HTR7: variants seen among roughly 807,000 people sequenced by gnomAD.
HTR7 encodes the protein 5-HT-7.
Under a neutral mutation model 34.0 loss-of-function variants are expected in HTR7, and 16 were observed. That is an observed-to-expected ratio of 0.47 (90% CI 0.32 to 0.71). The LOEUF is 0.71. HTR7 is among the 30% of genes least tolerant of loss of function. HTR7 has a pLI of 0.04. For missense variants in HTR7, 504 were observed against 625.5 expected (o/e 0.81, Z 2.07); for synonymous variants, 265 against 260.2 (o/e 1.02, Z -0.18).
chr10:90,749,712 C>T lies in HTR7; in HGVS notation c.540-118G>A. 1.2e-6 allele frequency: 1 copy of T among 856,588 alleles called. No individual in the cohort carries two copies. The highest frequency in any genetic ancestry group is 1.7e-5 in the South Asian group (1 of 58,388). The allele number at this position is 856,588 out of a possible 1,614,324, so 53.1% of individuals were successfully genotyped here. The stretch of plus-strand genomic sequence containing the variant: ...CGCAACAGCCCTTCTAGGTAGGCAT[C>T]ATTACTCCCATTTTGCAGAAAGGTA... On this transcript the variant is annotated intron_variant, in intron 1 of 3. Transcript: ENST00000336152. The surrounding 1 kb of genome is among the most constrained non-coding windows in gnomAD (Gnocchi z 4.2).
intron 1 of HTR7, among the ~76,000 whole-genome samples, chr10:90,761,769 G>A (rs934921058): frequency 1.3e-5 from 2 of 151,980 alleles, no homozygotes; most frequent in East Asian, 3.9e-4. Flanking sequence ...ACAACTAAAA[G>A]TTTGGACCAA....
intron 1 of HTR7, among the ~76,000 whole-genome samples, chr10:90,756,189 G>A (rs1040452356): frequency 6.6e-5 from 10 of 152,174 alleles, no homozygotes; most frequent in South Asian, 2.1e-4. Flanking sequence ...AGTTACCTCC[G>A]GGGAAGAGGA....
intron 1 of HTR7, among the ~76,000 whole-genome samples, chr10:90,778,849 C>T (rs1845263822): frequency 6.6e-6 from 1 of 152,218 alleles, no homozygotes; most frequent in Non-Finnish European, 1.5e-5. Context: ...CTCTTCCCAA[C>T]TCAAGTCTGA....
Position 90,858,022 on chromosome 10 carries a change from G to A in HTR7, c.-351C>T, listed in dbSNP as rs1231557231. 1.3e-5 allele frequency among the ~76,000 whole-genome samples: 2 copies of A among 149,132 alleles called. No homozygotes were observed. Among genetic ancestry groups the A allele is most frequent in the Non-Finnish European group, 1.5e-5 (1 of 66,978 alleles). On this transcript the variant is annotated 5_prime_UTR_variant, in exon 1 of 4. Coordinates refer to ENST00000336152, the MANE Select transcript of HTR7 (RefSeq NM_019859.4). ...CGCCGAGAGCGCCCGGGCGGCAGCG[G>A]CAGAAGTTGCGGAGTGCGCCCCGCC...
chr10:90,802,447 T>C (rs1289744451), intron 1 of HTR7, among the ~76,000 whole-genome samples: 1 of 152,210 alleles, frequency 6.6e-6, no homozygotes, highest in African/African-American at 2.4e-5. Context: ...GCTTCCTCTA[T>C]GCCCTCTCCA....
intron 2 of HTR7, among the ~76,000 whole-genome samples, chr10:90,744,735 G>A (rs1420616037): frequency 4.6e-5 from 7 of 152,086 alleles, no homozygotes; most frequent in African/African-American, 1.7e-4. Context: ...TGGGATGGGA[G>A]GCAAAATTAC....
At chr10:90,781,403 A>G (rs1049040281) in intron 1 of HTR7, among the ~76,000 whole-genome samples, 1 of 152,224 alleles carries the variant, frequency 6.6e-6, no homozygotes, top group Non-Finnish European at 1.5e-5. Flanking sequence ...TTACTTTTAA[A>G]TAACTCTTTC....
Position 90,792,374 on chromosome 10 carries a change from T to C in HTR7, c.540-42780A>G, listed in dbSNP as rs142255567. On this transcript the variant is annotated intron_variant, in intron 1 of 3. Coordinates refer to ENST00000336152, the MANE Select transcript of HTR7 (RefSeq NM_019859.4). Reference sequence around the variant, plus strand: ...GTTTTGTTGGGGTTTTTTTGTTTTGTTTTTGGTTTGGTTTTTTTTGGCTGC... The same window carrying C: ...GTTTTGTTGGGGTTTTTTTGTTTTGCTTTTGGTTTGGTTTTTTTTGGCTGC... 3.7e-3 allele frequency among the ~76,000 whole-genome samples: 566 copies of C among 152,182 alleles called. 5 individuals carry two copies. Among genetic ancestry groups the C allele is most frequent in the African/African-American group, 0.013 (527 of 41,546 alleles).
intron 1 of HTR7, among the ~76,000 whole-genome samples, chr10:90,808,308 G>A (rs1028054489): frequency 8.6e-5 from 13 of 150,642 alleles, no homozygotes; most frequent in East Asian, 3.9e-4. Flanking sequence ...AGCAAGTCCC[G>A]CTTTTCTAGA....
intron 1 of HTR7, among the ~76,000 whole-genome samples, chr10:90,798,454 C>T (rs765433188): frequency 6.6e-6 from 1 of 152,196 alleles, no homozygotes; most frequent in African/African-American, 2.4e-5. Context: ...GCTGGACACA[C>T]TGACTCATGC....
chr10:90,856,966 C>T (rs1276141105), intron 1 of HTR7, among the ~76,000 whole-genome samples, 167 bp downstream of exon 1: 12 of 152,166 alleles, frequency 7.9e-5, no homozygotes, highest in Admixed American at 7.9e-4. Context: ...TATGCCGTAA[C>T]CGAAGTTTGG....
At chr10:90,766,626 C>T (rs1365320209) in intron 1 of HTR7, among the ~76,000 whole-genome samples, 1 of 152,180 alleles carries the variant, frequency 6.6e-6, no homozygotes, top group Admixed American at 6.5e-5. Flanking sequence ...CTCTTGCTGT[C>T]TTCCTTTGTA....
chr10:90,764,444 T>G (rs1327293865), intron 1 of HTR7, among the ~76,000 whole-genome samples: 2 of 152,182 alleles, frequency 1.3e-5, no homozygotes, highest in East Asian at 3.9e-4. Flanking sequence ...TTCAGATAGT[T>G]TGTTATTACT....
In HTR7 at chr10:90,785,082, G is replaced by A. The variant is rs75176825; in HGVS notation, c.540-35488C>T. Among the ~76,000 whole-genome samples, 776 of 152,284 alleles carry A rather than the reference G, an allele frequency of 5.1e-3. 10 individuals carry two copies. The highest frequency in any genetic ancestry group is 8.5e-3 in the Non-Finnish European group (579 of 68,020). On this transcript the variant is annotated intron_variant, in intron 1 of 3. Coordinates refer to ENST00000336152, the MANE Select transcript of HTR7 (RefSeq NM_019859.4). ...TTCTCAGGGAATCACCTCATCATCC[G>A]CTGCAGGAGGCTATAAGTGACCTGC...
chr10:90,787,086 C>T lies in HTR7; in HGVS notation c.540-37492G>A, dbSNP rs540530677. Among the ~76,000 whole-genome samples the T allele has an allele frequency of 2.0e-5, 3 of 152,310 alleles. No individual in the cohort carries two copies. In the East Asian group the frequency reaches 5.8e-4, roughly 29 times the overall value. ...GACCCTTACTTCCACACATCACTCA[C>T]TCAGGTAGATTCACAAAGCCATCCT... On this transcript the variant is annotated intron_variant, in intron 1 of 3. Coordinates refer to ENST00000336152, the MANE Select transcript of HTR7 (RefSeq NM_019859.4).
chr10:90,798,417 T>C (rs1019663523), intron 1 of HTR7, among the ~76,000 whole-genome samples: 3 of 152,088 alleles, frequency 2.0e-5, no homozygotes, highest in African/African-American at 7.2e-5. Flanking sequence ...GGGTCCCAGG[T>C]ATAGGTACTT....
intron 1 of HTR7, among the ~76,000 whole-genome samples, chr10:90,791,472 C>T (rs992704174): frequency 7.2e-5 from 11 of 151,916 alleles, no homozygotes; most frequent in Non-Finnish European, 1.5e-4. Flanking sequence ...GTGTAAAAGA[C>T]CACAGAAAGA....
At chr10:90,769,029 C>T (rs1184856851) in intron 1 of HTR7, among the ~76,000 whole-genome samples, 3 of 152,210 alleles carry the variant, frequency 2.0e-5, no homozygotes, top group Admixed American at 1.3e-4. Context: ...CTACAGCCCA[C>T]AGCACTACGT....
chr10:90,793,662 G>A (rs1404735303), intron 1 of HTR7, among the ~76,000 whole-genome samples: 7 of 152,108 alleles, frequency 4.6e-5, no homozygotes, highest in African/African-American at 1.7e-4. Context: ...ATATGAAGGG[G>A]AGTTTATTAA....
Sources: allele counts gnomAD v4.1 joint callset (sites outside exome capture counted in the v4.1 genomes callset), GRCh38; gene constraint gnomAD v4.1.1; non-coding constraint Gnocchi (gnomAD v3.1); transcripts MANE v1.5; gene names NCBI Gene and HGNC (gene_info 2026-07-23, HGNC 2026-07-21).